HPGDS: variants seen among roughly 807,000 people sequenced by gnomAD.
The protein encoded by HPGDS is GST class-sigma.
Under a neutral mutation model 23.1 loss-of-function variants are expected in HPGDS, and 26 were observed. The ratio of observed to expected loss-of-function variants is 1.13; its 90% CI spans 0.83 to 1.56. The LOEUF (loss-of-function observed/expected upper bound fraction) is 1.56. HPGDS is among the 40% of genes most tolerant of loss of function. HPGDS has a pLI of 0.00. For missense variants in HPGDS, 268 were observed against 236.4 expected (o/e 1.13, Z -0.88); for synonymous variants, 95 against 77.9 (o/e 1.22, Z -1.16).
Position 94,317,935 on chromosome 4 carries a change from T to A in HPGDS, c.164A>T (p.Glu55Val), listed in dbSNP as rs1426816157. Residue 55 changes from glutamate to valine, a missense_variant, in exon 3 of 6, where the codon GAA (glutamate) becomes GTA (valine). Transcript: ENST00000295256. ...TLPFGKIPIL[E>V]VDGLTLHQSL... ...CTGGTGAAGAGTAAGTCCATCAACT[T>A]CCAAAATGGGGATTTTTCCAAATGG... The A allele has an allele frequency of 8.1e-6, 13 of 1,611,558 alleles. No individual in the cohort carries two copies. Among genetic ancestry groups the A allele is most frequent in the Middle Eastern group, 1.7e-4 (1 of 6,048 alleles).
chr4:94,334,013 G>A (rs929918266), intron 2 of HPGDS, among the ~76,000 whole-genome samples: 1 of 152,190 alleles, frequency 6.6e-6, no homozygotes, highest in African/African-American at 2.4e-5. Context: ...CTTTTAAGGA[G>A]CTCATGCTTC....
chr4:94,299,942 G>T (rs1043902772), intron 5 of HPGDS, among the ~76,000 whole-genome samples: 1 of 152,160 alleles, frequency 6.6e-6, no homozygotes, highest in African/African-American at 2.4e-5. Flanking sequence ...CCACCTCTCT[G>T]TGACAATACA....
At chr4:94,337,241 G>A (rs907804419) in intron 1 of HPGDS, among the ~76,000 whole-genome samples, 2 of 152,070 alleles carry the variant, frequency 1.3e-5, no homozygotes, top group Admixed American at 6.5e-5. Context: ...AAAGTGCTGG[G>A]ATTACAGGCG....
chr4:94,314,114 C>T (rs1200896368), intron 3 of HPGDS, among the ~76,000 whole-genome samples: 1 of 152,122 alleles, frequency 6.6e-6, no homozygotes, highest in African/African-American at 2.4e-5. Context: ...GAAGTTTGAT[C>T]ATCTGAAGCC....
chr4:94,329,889 T>C (rs1189119103), intron 2 of HPGDS, among the ~76,000 whole-genome samples: 1 of 152,258 alleles, frequency 6.6e-6, no homozygotes, highest in Non-Finnish European at 1.5e-5. Flanking sequence ...AGGAATTTTG[T>C]TACACTGAAT....
intron 2 of HPGDS, among the ~76,000 whole-genome samples, chr4:94,333,722 G>A (rs1161307574): frequency 6.6e-6 from 1 of 152,164 alleles, no homozygotes; most frequent in Non-Finnish European, 1.5e-5. Context: ...GTAGAATAGG[G>A]AATGAGGCAC....
chr4:94,330,531 AG>A (rs1756716467), intron 2 of HPGDS, among the ~76,000 whole-genome samples: 1 of 152,180 alleles, frequency 6.6e-6, no homozygotes, highest in Admixed American at 6.5e-5. Flanking sequence ...AAAATTATTA[AG>A]TACAAGACCA....
At chr4:94,313,299 T>TGC (rs1756320364) in intron 3 of HPGDS, among the ~76,000 whole-genome samples, 1 of 152,220 alleles carries the variant, frequency 6.6e-6, no homozygotes, top group South Asian at 2.1e-4. Flanking sequence ...CCATGTTTAG[T>TGC]GCTTCCTTCA....
chr4:94,336,549 A>C (rs1195125601), intron 1 of HPGDS, among the ~76,000 whole-genome samples: 1 of 152,224 alleles, frequency 6.6e-6, no homozygotes, highest in Non-Finnish European at 1.5e-5. Flanking sequence ...GAGATGTAGC[A>C]TTCACCGCAT....
chr4:94,319,651 G>T (rs1756464166), intron 2 of HPGDS, among the ~76,000 whole-genome samples: 1 of 152,098 alleles, frequency 6.6e-6, no homozygotes, highest in Admixed American at 6.6e-5. Flanking sequence ...CATGATGGTA[G>T]ATATCATCCT....
chr4:94,336,026 T>C (rs1721003870), intron 1 of HPGDS, among the ~76,000 whole-genome samples: 1 of 151,860 alleles, frequency 6.6e-6, no homozygotes, highest in African/African-American at 2.4e-5. Flanking sequence ...GCCAACATGG[T>C]GAAACCCCAT....
chr4:94,311,073 C>T (rs1281886511), intron 3 of HPGDS, among the ~76,000 whole-genome samples: 1 of 152,168 alleles, frequency 6.6e-6, no homozygotes, highest in Non-Finnish European at 1.5e-5. Flanking sequence ...ACAATCATGT[C>T]ATCTGCAAAC....
intron 4 of HPGDS, 77 bp downstream of exon 4, chr4:94,308,557 A>C: frequency 1.5e-6 from 1 of 679,250 alleles, no homozygotes; most frequent in Non-Finnish European, 2.6e-6. Flanking sequence ...ATATTAAGGA[A>C]CTTTCTAAGG....
intron 2 of HPGDS, among the ~76,000 whole-genome samples, chr4:94,322,582 TG>T (rs1756536996): frequency 6.6e-6 from 1 of 152,220 alleles, no homozygotes; most frequent in African/African-American, 2.4e-5. Context: ...GATGGTAGTT[TG>T]TATTTCTGTG....
intron 2 of HPGDS, among the ~76,000 whole-genome samples, chr4:94,332,786 T>C (rs142205063): frequency 7.9e-4 from 120 of 152,346 alleles, no homozygotes; most frequent in African/African-American, 2.8e-3. Context: ...CCTTTTTCTG[T>C]ATCTCTGGTG....
At chr4:94,299,677 CA>C in intron 5 of HPGDS, 33 bp from the exon 6 acceptor site, 1 of 1,590,902 alleles carries the variant, frequency 6.3e-7, no homozygotes, top group African/African-American at 1.3e-5. Flanking sequence ...TTCATTTGAA[CA>C]TAGAAAGTGT....
At chr4:94,302,090 T>G in intron 5 of HPGDS, 56 bp downstream of exon 5, 1 of 1,308,442 alleles carries the variant, frequency 7.6e-7, no homozygotes, top group Non-Finnish European at 1.1e-6. Flanking sequence ...TTTTTATACT[T>G]CTATTGGTTT....
rs1579421619 is a variant in HPGDS, at chr4:94,299,371, G to A, written c.*109C>T. On this transcript the variant is annotated 3_prime_UTR_variant, in exon 6 of 6. Coordinates refer to ENST00000295256, the MANE Select transcript of HPGDS (RefSeq NM_014485.3). ...GAATATGGCTAAAGTGAAAATCTTAGTGGAGCTGGGGAGGGAGCATGTGGA... is the reference window on the plus strand; with the variant it reads ...GAATATGGCTAAAGTGAAAATCTTAATGGAGCTGGGGAGGGAGCATGTGGA... The A allele has an allele frequency of 1.1e-6, 1 of 878,656 alleles. No homozygotes were observed. The highest frequency in any genetic ancestry group is 1.7e-6 in the Non-Finnish European group (1 of 600,966). 54.4% of individuals were successfully genotyped at this position (878,656 alleles called of 1,614,324 possible).
chr4:94,315,805 T>C lies in HPGDS; in HGVS notation c.226+2068A>G, dbSNP rs79352575. Among the ~76,000 whole-genome samples the C allele has an allele frequency of 9.2e-5, 14 of 152,338 alleles. No homozygotes were observed. The East Asian group carries it at 2.7e-3, about 29-fold the overall frequency. On this transcript the variant is annotated intron_variant, in intron 3 of 5. Coordinates refer to ENST00000295256, the MANE Select transcript of HPGDS (RefSeq NM_014485.3). ...GATTATTCGTCTTTCTGACCTTGAA[T>C]AGTCTTCAGAATTCTTCACTCATTT...
Sources: gnomAD v4.1 joint callset for allele counts (sites outside exome capture counted in the v4.1 genomes callset) on GRCh38, gnomAD v4.1.1 for gene constraint, MANE v1.5 for transcripts, NCBI Gene and HGNC (gene_info 2026-07-23, HGNC 2026-07-21) for gene names.